Variants in CFAP44 observed in about 807,000 individuals in gnomAD.
CFAP44 encodes cilia- and flagella-associated protein 44.
A neutral mutation model predicts 216.2 loss-of-function variants in CFAP44; 134 were observed. The observed-to-expected ratio is 0.62, with a 90% CI of 0.54 to 0.72. The LOEUF is 0.72. Ranked by LOEUF, CFAP44 falls within the 30% of genes least tolerant of loss-of-function variation. The probability of loss-of-function intolerance (pLI) is 0.00; values close to 1 mark genes in which losing one functional copy is unlikely to be tolerated. For synonymous variants in CFAP44, 700 were observed against 727.6 expected, an observed-to-expected ratio of 0.96 and a Z score of 0.61; for missense variants, 2,035 against 2,182.1, an observed-to-expected ratio of 0.93 and a Z score of 1.34.
At chr3:113,365,909 T>C in intron 19 of CFAP44, 130 bp downstream of exon 19, 1 of 1,000,832 alleles carries the variant, frequency 1.0e-6, no homozygotes. Flanking sequence ...ATTATAATAG[T>C]AGCAGGAAGA....
At chr3:113,411,845 A>T (rs1934485326) in intron 6 of CFAP44, among the ~76,000 whole-genome samples, 3 of 152,046 alleles carry the variant, frequency 2.0e-5, no homozygotes. Flanking sequence ...TTCTCCTTGG[A>T]GAGGTCCTTC....
At chr3:113,381,082 T>C (rs780364561) in intron 15 of CFAP44, 22 bp from the exon 16 acceptor site, 2 of 1,523,558 alleles carry the variant, frequency 1.3e-6, no homozygotes, top group East Asian at 4.7e-5. Context: ...AAATTGAACA[T>C]ATTTACATTT....
chr3:113,347,333 C>T (rs1035072461), intron 22 of CFAP44, among the ~76,000 whole-genome samples: 4 of 152,062 alleles, frequency 2.6e-5, no homozygotes, highest in African/African-American at 9.7e-5. Flanking sequence ...GTTGGTTGAC[C>T]CTGTAGCCAT....
intron 15 of CFAP44, among the ~76,000 whole-genome samples, chr3:113,381,783 T>C (rs75134325): frequency 0.025 from 3,816 of 152,306 alleles, 59 homozygotes; most frequent in East Asian, 0.052. Flanking sequence ...GTACTCAGCA[T>C]TTTCTTAAGT....
chr3:113,294,959 GA>G, intron 33 of CFAP44, 138 bp from the exon 34 acceptor site: 1 of 1,070,100 alleles, frequency 9.3e-7, no homozygotes, highest in Non-Finnish European at 1.3e-6. Flanking sequence ...AAGCCAATAT[GA>G]AAATGCAACA....
In CFAP44 at chr3:113,289,244, A is replaced by T. The variant is rs1280166215; in HGVS notation, c.*2313T>A. 6.6e-6 allele frequency: 1 copy of T among 152,274 alleles called. No homozygotes were observed. Among genetic ancestry groups the T allele is most frequent in the Non-Finnish European group, 1.5e-5 (1 of 68,052 alleles). 9.4% of individuals were successfully genotyped at this position (152,274 alleles called of 1,614,324 possible). A position where few individuals can be genotyped will look rare whatever the true frequency, so the allele number is the denominator to read the frequency against. On this transcript the variant is annotated 3_prime_UTR_variant, in exon 35 of 35. Transcript: ENST00000393845. ...TTCAAAATAAAGTAATTCAGTGTTA[A>T]CTGTCGTCAATTCCCAAACATGCGG...
At chr3:113,308,305 T>C (rs762197226) in intron 28 of CFAP44, 37 bp from the exon 29 acceptor site, 214 of 1,451,994 alleles carry the variant, frequency 1.5e-4, no homozygotes, top group Non-Finnish European at 1.9e-4. Context: ...CAAAGAAGCT[T>C]CTATATTAAA....
At chr3:113,415,008 G>A (rs1046148433) in intron 6 of CFAP44, among the ~76,000 whole-genome samples, 1 of 151,390 alleles carries the variant, frequency 6.6e-6, no homozygotes, top group African/African-American at 2.4e-5. Flanking sequence ...TTTTTTGGTT[G>A]GTAGGCTATT....
At chr3:113,393,496 TA>T (rs1933900920) in intron 15 of CFAP44, among the ~76,000 whole-genome samples, 1 of 152,056 alleles carries the variant, frequency 6.6e-6, no homozygotes, top group African/African-American at 2.4e-5. Flanking sequence ...AGCTGGTTAT[TA>T]AAAAGAGCCT....
intron 8 of CFAP44, among the ~76,000 whole-genome samples, chr3:113,406,357 G>A (rs1393918215): frequency 6.6e-6 from 1 of 152,212 alleles, no homozygotes; most frequent in Non-Finnish European, 1.5e-5. Flanking sequence ...GCAACTCTGT[G>A]ACATAACTGA....
In CFAP44 at chr3:113,306,908, C is replaced by T. The variant is rs540017947; in HGVS notation, c.4628-577G>A. 9.2e-5 allele frequency among the ~76,000 whole-genome samples: 14 copies of T among 152,298 alleles called. No homozygotes were observed. The South Asian group carries it at 2.9e-3, about 32-fold the overall frequency. On this transcript the variant is annotated intron_variant, in intron 29 of 34. Transcript: ENST00000393845. ...AATGAGTTGGCATTAGGTTTGTGTG[C>T]TCTATTTCACTCATAAATATTATGA... is the stretch of plus-strand genomic sequence containing the variant.
intron 18 of CFAP44, among the ~76,000 whole-genome samples, chr3:113,370,057 A>G (rs1165493286): frequency 1.3e-5 from 2 of 152,212 alleles, no homozygotes; most frequent in East Asian, 3.8e-4. Context: ...GAATAGACCA[A>G]TAACAGGTTC....
chr3:113,360,760 G>C (rs75636155), intron 21 of CFAP44: 3,535 of 155,786 alleles, frequency 0.023, 51 homozygotes, highest in Non-Finnish European at 0.036. Context: ...TGGACCAGAG[G>C]GGGCCAGCCT....
rs186619599 is a variant in CFAP44 at position 113,433,488 on chromosome 3, T to C, written c.100+77A>G. 93 of 600,596 alleles carry C rather than the reference T, an allele frequency of 1.5e-4. No homozygotes were observed. In the East Asian group the frequency reaches 3.1e-3, roughly 20 times the overall value. The allele number at this position is 600,596 out of a possible 1,614,324, so 37.2% of individuals were successfully genotyped here. A position where few individuals can be genotyped will look rare whatever the true frequency, so the allele number is the denominator to read the frequency against. ...TTTTATAACATCCTGCTCTTTCCAT[T>C]CTACTATAAAAATTAATTATTTAAA... On this transcript the variant is annotated intron_variant, in intron 2 of 34. Coordinates refer to ENST00000393845, the MANE Select transcript of CFAP44 (RefSeq NM_001164496.2).
At chr3:113,397,650 A>G (rs1171668746) in intron 13 of CFAP44, among the ~76,000 whole-genome samples, 2 of 152,184 alleles carry the variant, frequency 1.3e-5, no homozygotes, top group African/African-American at 4.8e-5. Flanking sequence ...TAATGTAGTG[A>G]AGATGAGGGA....
intron 32 of CFAP44, among the ~76,000 whole-genome samples, chr3:113,297,623 A>G (rs1195901440): frequency 6.6e-6 from 1 of 152,120 alleles, no homozygotes. Context: ...CATGGACCTC[A>G]GCACTCTTTT....
At chr3:113,393,568 C>G (rs1458889343) in intron 15 of CFAP44, among the ~76,000 whole-genome samples, 1 of 152,136 alleles carries the variant, frequency 6.6e-6, no homozygotes, top group Non-Finnish European at 1.5e-5. Context: ...TCTTGACACC[C>G]AAGCTGGATG....
intron 26 of CFAP44, among the ~76,000 whole-genome samples, chr3:113,328,309 T>TTTTTTTTTTTTTTTTTTTTTTTTTGAG (rs1259280954): frequency 6.7e-6 from 1 of 150,268 alleles, no homozygotes; most frequent in African/African-American, 2.4e-5. Flanking sequence ...AATCTCTTTC[T>TTTTTTTTTTTTTTTTTTTTTTTTTGAG]AAGATTGAAG....
intron 28 of CFAP44, among the ~76,000 whole-genome samples, chr3:113,312,098 A>C: frequency 7.1e-6 from 1 of 141,742 alleles, no homozygotes; most frequent in Admixed American, 7.0e-5. Context: ...TTTTGAGACC[A>C]AGTCATGCTG....
Sources: allele counts gnomAD v4.1 joint callset (sites outside exome capture counted in the v4.1 genomes callset), GRCh38; gene constraint gnomAD v4.1.1; transcripts MANE v1.5; gene names NCBI Gene and HGNC (gene_info 2026-07-23, HGNC 2026-07-21).